TRAP1: variants seen among roughly 807,000 people sequenced by gnomAD.
TRAP1 encodes the protein TNF receptor associated protein 1.
A neutral mutation model predicts 89.1 loss-of-function variants in TRAP1; 102 were observed. The ratio of observed to expected loss-of-function variants is 1.15; its 90% confidence interval spans 0.98 to 1.35. The LOEUF is 1.35. Ranked by LOEUF, TRAP1 falls within the 40% of genes most tolerant of loss-of-function variation. TRAP1 has a pLI of 0.00. For missense variants in TRAP1, 1,256 were observed against 945.3 expected, an observed-to-expected ratio of 1.33 and a Z score of -4.31; for synonymous variants, 508 against 388.0, an observed-to-expected ratio of 1.31 and a Z score of -3.64.
intron 1 of TRAP1, among the ~76,000 whole-genome samples, chr16:3,703,668 T>C (rs183499698): frequency 2.4e-4 from 36 of 152,128 alleles, no homozygotes; most frequent in African/African-American, 3.9e-4. Flanking sequence ...CGTTTGCATA[T>C]TGGACTACAT....
At chr16:3,693,227 G>A (rs1012525895) in intron 1 of TRAP1, among the ~76,000 whole-genome samples, 9 of 152,134 alleles carry the variant, frequency 5.9e-5, no homozygotes, top group African/African-American at 2.2e-4. Context: ...GGGATTACAG[G>A]CGTGAGCCAC....
chr16:3,670,996 C>T (rs747047877), intron 11 of TRAP1, among the ~76,000 whole-genome samples: 2 of 152,210 alleles, frequency 1.3e-5, no homozygotes, highest in Non-Finnish European at 1.5e-5. Context: ...ATCCTTTTTC[C>T]GAGGATCTGC....
chr16:3,658,380 A>G, intron 17 of TRAP1, 150 bp from the exon 18 acceptor site: 3 of 672,690 alleles, frequency 4.5e-6, no homozygotes, highest in Middle Eastern at 3.1e-4. Flanking sequence ...CCCGCCTCCC[A>G]AAGTGCTGGG....
intron 1 of TRAP1, among the ~76,000 whole-genome samples, chr16:3,697,061 C>G (rs1364555695): frequency 6.6e-6 from 1 of 152,100 alleles, no homozygotes; most frequent in African/African-American, 2.4e-5. Flanking sequence ...TAGATACTGC[C>G]AAGTCACACT....
chr16:3,667,084 G>T (rs1237480198), intron 11 of TRAP1, among the ~76,000 whole-genome samples: 1 of 152,128 alleles, frequency 6.6e-6, no homozygotes, highest in Admixed American at 6.5e-5. Context: ...CCTGGGAGCG[G>T]GGGGACAGTA....
intron 1 of TRAP1, among the ~76,000 whole-genome samples, chr16:3,696,475 G>C (rs1013641574): frequency 2.6e-5 from 4 of 152,134 alleles, no homozygotes; most frequent in Admixed American, 1.3e-4. Context: ...CATCACAGCA[G>C]AATTCCAATG....
intron 1 of TRAP1, chr16:3,704,301 A>G (rs754917075): frequency 1.3e-5 from 2 of 152,176 alleles, no homozygotes; most frequent in Non-Finnish European, 2.9e-5. Flanking sequence ...CTGAAATTGC[A>G]TCTCTGCACT....
intron 5 of TRAP1, 53 bp from the exon 6 acceptor site, chr16:3,677,711 C>T (rs189621164): frequency 1.3e-6 from 2 of 1,577,384 alleles, no homozygotes; most frequent in African/African-American, 1.3e-5. Flanking sequence ...AGAGCAGACA[C>T]TCCCAACACC....
rs752235274 is a variant in TRAP1, at chr16:3,677,489, G to C, written c.704+9C>G. 6.2e-7 allele frequency: 1 copy of C among 1,614,078 alleles called. No homozygotes were observed. Among genetic ancestry groups the C allele is most frequent in the Admixed American group, 1.7e-5 (1 of 60,020 alleles). ...TTGAGCTGCCTGTCAGGCGACATTC[G>C]TCACTCACCCATCTGAAAGCCACTG... On this transcript the variant is annotated intron_variant, in intron 6 of 17. Transcript: ENST00000246957.
chr16:3,689,096 G>A lies in TRAP1; in HGVS notation c.289C>T (p.Leu97Phe), dbSNP rs1176463788. 1 of 1,613,992 alleles carries A rather than the reference G, an allele frequency of 6.2e-7. No homozygotes were observed. Among genetic ancestry groups the A allele is most frequent in the Non-Finnish European group, 8.5e-7 (1 of 1,179,962 alleles). Residue 97 changes from leucine (L) to phenylalanine (F), a missense_variant, in exon 3 of 18, where the codon CTT (leucine) becomes TTT (phenylalanine). Coordinates refer to ENST00000246957, the MANE Select transcript of TRAP1 (RefSeq NM_016292.3). ...KHEFQAETKKLLDIVARSLYS... is the reference protein window; with the variant it reads ...KHEFQAETKKFLDIVARSLYS... ...AGGGACCGGGCAACAATGTCCAAAA[G>A]CTTCTTTGTCTCGGCCTGGAACTCA...
At chr16:3,685,530 G>A in intron 4 of TRAP1, among the ~76,000 whole-genome samples, 1 of 151,956 alleles carries the variant, frequency 6.6e-6, no homozygotes, top group East Asian at 1.9e-4. Flanking sequence ...TGAGGCAGCT[G>A]TCTTTGGATG....
intron 11 of TRAP1, among the ~76,000 whole-genome samples, chr16:3,668,591 C>A (rs1368912957): frequency 1.3e-5 from 2 of 152,176 alleles, no homozygotes; most frequent in African/African-American, 4.8e-5. Flanking sequence ...GTGATTCTTT[C>A]AAAAGCTCTA....
Position 3,679,723 on chromosome 16 carries a change from G to A in TRAP1, c.539C>T (p.Ser180Leu), listed in dbSNP as rs1316414429. ...GTGTGGGGGCCCCACGCTTACCTTTGACCCCGATCTGGCAATCGTCCCCAG... is the reference window on the plus strand; with the variant it reads ...GTGTGGGGGCCCCACGCTTACCTTTAACCCCGATCTGGCAATCGTCCCCAG... ...SNLGTIARSG[S>L]KAFLDALQNQ... is the part of the protein sequence containing the mutation. Residue 180 changes from serine to leucine, a missense_variant, in exon 5 of 18, where the codon TCA (serine) becomes TTA (leucine). Coordinates refer to ENST00000246957, the MANE Select transcript of TRAP1 (RefSeq NM_016292.3). 6.2e-7 allele frequency: 1 copy of A among 1,614,050 alleles called. No homozygotes were observed. The highest frequency in any genetic ancestry group is 1.7e-5 in the Admixed American group (1 of 60,022).
rs764259574 is a variant in TRAP1 at position 3,712,285 on chromosome 16, CAAAAAAAAAAAAA to C, written c.88+5123_88+5135del. On this transcript the variant is annotated intron_variant, in intron 1 of 17. Transcript: ENST00000246957. Reference sequence around the variant, plus strand: ...GCCTGGCGACAGAAAGAATCTGTCTCAAAAAAAAAAAAAAAAAAAAAAAAAAAAAAAAAAGATA... The same window carrying C: ...GCCTGGCGACAGAAAGAATCTGTCTCAAAAAAAAAAAAAAAAAAAAAGATA... Among the ~76,000 whole-genome samples, 293 of 32,078 alleles carry C rather than the reference CAAAAAAAAAAAAA, an allele frequency of 9.1e-3. 2 individuals carry two copies. The highest frequency in any genetic ancestry group is 0.013 in the Non-Finnish European group (229 of 18,180). 21.0% of individuals were successfully genotyped at this position (32,078 alleles called of 152,430 possible).
At chr16:3,662,222 C>A in intron 15 of TRAP1, 90 bp from the exon 16 acceptor site, 1 of 1,489,338 alleles carries the variant, frequency 6.7e-7, no homozygotes, top group South Asian at 1.3e-5. Flanking sequence ...TCACCCAGAC[C>A]ACGAGGTAGC....
At chr16:3,663,381 G>A (rs747427856) in intron 14 of TRAP1, 43 bp downstream of exon 14, 30 of 1,611,652 alleles carry the variant, frequency 1.9e-5, no homozygotes, top group Middle Eastern at 1.6e-4. Context: ...GGCGTGCGGG[G>A]AGTGGAAACC....
chr16:3,691,320 A>T (rs1267731767), intron 1 of TRAP1, among the ~76,000 whole-genome samples: 2 of 152,136 alleles, frequency 1.3e-5, no homozygotes, highest in African/African-American at 4.8e-5. Flanking sequence ...GGACTCAGGC[A>T]ATGCTCCTGC....
At position 3,679,739 on chromosome 16, in the gene TRAP1, T is replaced by C; in HGVS notation, c.523A>G (p.Ile175Val). ...CTTACCTTTGACCCCGATCTGGCAA[T>C]CGTCCCCAGGTTGGACACCAGCTCT... ...QEELVSNLGT[I>V]ARSGSKAFLD... Residue 175 changes from isoleucine to valine, a missense_variant, in exon 5 of 18, where the codon ATT becomes GTT. Transcript: ENST00000246957. 1.9e-6 allele frequency: 3 copies of C among 1,614,086 alleles called. No individual in the cohort carries two copies. The highest frequency in any genetic ancestry group is 2.7e-5 in the African/African-American group (2 of 75,040).
intron 1 of TRAP1, among the ~76,000 whole-genome samples, chr16:3,696,060 A>AT (rs2051283194): frequency 6.6e-6 from 1 of 151,902 alleles, no homozygotes; most frequent in Non-Finnish European, 1.5e-5. Context: ...AGGCGCGATG[A>AT]CCCCCCACTT....
Sources: gnomAD v4.1 joint callset for allele counts (sites outside exome capture counted in the v4.1 genomes callset) on GRCh38, gnomAD v4.1.1 for gene constraint, MANE v1.5 for transcripts, NCBI Gene and HGNC (gene_info 2026-07-23, HGNC 2026-07-21) for gene names.